Variants in INTS2 observed in about 807,000 individuals in gnomAD.
INTS2 encodes the protein KIAA1287.
A neutral mutation model predicts 139.6 loss-of-function variants in INTS2; 57 were observed. The ratio of observed to expected loss-of-function variants is 0.41; its 90% CI spans 0.33 to 0.51. INTS2 has a LOEUF of 0.51. Ranked by LOEUF, INTS2 falls within the 20% of genes least tolerant of loss-of-function variation. The pLI, the probability that INTS2 is intolerant of heterozygous loss-of-function variation, is 0.28. For synonymous variants in INTS2, 473 were observed against 493.4 expected, an observed-to-expected ratio of 0.96 and a Z score of 0.55; for missense variants, 1,196 against 1,436.7, an observed-to-expected ratio of 0.83 and a Z score of 2.71.
chr17:61,915,579 G>A (rs1340845818), intron 5 of INTS2, among the ~76,000 whole-genome samples: 5 of 149,736 alleles, frequency 3.3e-5, no homozygotes, highest in South Asian at 2.1e-4. Context: ...AGCACTTTGG[G>A]AGGCCGAGAA....
At position 61,869,396 on chromosome 17, in the gene INTS2, ACGGG is replaced by A. The variant is rs1260356573; in HGVS notation, c.3031-20_3031-17del. 1 of 1,496,156 alleles carries A rather than the reference ACGGG, an allele frequency of 6.7e-7. No individual in the cohort carries two copies. Among genetic ancestry groups the A allele is most frequent in the South Asian group, 1.2e-5 (1 of 82,232 alleles). The allele number at this position is 1,496,156 out of a possible 1,614,324, so 92.7% of individuals were successfully genotyped here. Reference sequence around the variant, plus strand: ...ATGGATAACCCTATCTCAACAAGAAACGGGAAAAAAGTCAGAAATAAAATAACTA... The same window carrying A: ...ATGGATAACCCTATCTCAACAAGAAAAAAAAAGTCAGAAATAAAATAACTA... On this transcript the variant is annotated splice_polypyrimidine_tract_variant and intron_variant, in intron 21 of 24. Transcript: ENST00000251334. This position sits in a 1 kb window ranked among gnomAD's most constrained non-coding sequence, Gnocchi z 5.4.
chr17:61,907,747 G>C (rs996124767), intron 7 of INTS2, 113 bp from the exon 8 acceptor site: 1 of 753,518 alleles, frequency 1.3e-6, no homozygotes, highest in Non-Finnish European at 2.1e-6. Flanking sequence ...TATTTGAAGA[G>C]ATTGTCGTGA....
Position 61,907,562 on chromosome 17 carries a change from G to C in INTS2, c.1027C>G (p.Leu343Val), listed in dbSNP as rs759831289. The C allele has an allele frequency of 1.9e-6, 3 of 1,593,970 alleles. No individual in the cohort carries two copies. In the South Asian group the frequency reaches 3.4e-5, roughly 18 times the overall value. ...RQLLLELMGI[L>V]PTVRSTRIVE... ...ATTCGGGTGCTTCTTACTGTGGGAA[G>C]AATGCCCATCAACTCCAGAAGAAGC... Residue 343 changes from leucine to valine, a missense_variant, in exon 8 of 25, where the codon CTT becomes GTT. Around this residue, in one of 3 missense-constraint regions of INTS2, gnomAD observed 1,129 missense variants for 1,341.9 expected, o/e 0.84. Coordinates refer to ENST00000251334, the MANE Select transcript of INTS2 (RefSeq NM_001351695.2).
In INTS2 at chr17:61,919,509, G is replaced by C. The variant is rs544093616; in HGVS notation, c.540C>G (p.Leu180=). The C allele has an allele frequency of 1.5e-5, 24 of 1,552,976 alleles. No individual in the cohort carries two copies. In the South Asian group the frequency reaches 2.6e-4, roughly 17 times the overall value. ...CATCAACTATAGGGAGCAAGGAAGG[G>C]AGCTCTACAAGAAAACAAAGTCAGT... ...ADVLCILQAE[L]PSLLPIVDVA... is the part of the protein sequence containing the mutation. Residue 180 remains leucine (L), a synonymous_variant, in exon 5 of 25, where the codon CTC becomes CTG. Transcript: ENST00000251334.
intron 14 of INTS2, 126 bp downstream of exon 14, chr17:61,891,387 A>AAATTT (rs2079291967): frequency 5.3e-6 from 4 of 747,796 alleles, no homozygotes; most frequent in Non-Finnish European, 8.8e-6. Context: ...TGATCTAAGG[A>AAATTT]AATTTAATCT....
chr17:61,892,919 A>G (rs1345551569), intron 13 of INTS2, among the ~76,000 whole-genome samples: 1 of 141,130 alleles, frequency 7.1e-6, no homozygotes, highest in African/African-American at 2.7e-5. Context: ...GCACCACTGC[A>G]CTCCAGCTTG....
chr17:61,911,833 G>A (rs2079529656), intron 6 of INTS2, 107 bp downstream of exon 6: 9 of 1,409,596 alleles, frequency 6.4e-6, no homozygotes, highest in Admixed American at 2.2e-5. Context: ...AACATATCCA[G>A]TATATAAATA....
chr17:61,884,851 A>C, intron 16 of INTS2, 50 bp downstream of exon 16: 1 of 1,113,338 alleles, frequency 9.0e-7, no homozygotes, highest in Non-Finnish European at 1.3e-6. Context: ...TATAAACAGA[A>C]AGGTTTTTTA....
intron 11 of INTS2, among the ~76,000 whole-genome samples, chr17:61,895,817 A>C (rs995432022): frequency 5.3e-5 from 8 of 152,202 alleles, no homozygotes; most frequent in African/African-American, 1.9e-4. Context: ...AGAAACTCCA[A>C]GTAGATTAAA....
intron 15 of INTS2, among the ~76,000 whole-genome samples, chr17:61,888,539 TTC>T (rs941356248): frequency 4.7e-5 from 7 of 148,626 alleles, no homozygotes; most frequent in Non-Finnish European, 7.4e-5. Flanking sequence ...TTCAGTGACA[TTC>T]TCTGTGTGCG....
chr17:61,880,952 T>C (rs2079172628), intron 17 of INTS2, 55 bp downstream of exon 17: 10 of 1,339,404 alleles, frequency 7.5e-6, no homozygotes, highest in Non-Finnish European at 1.1e-5. Flanking sequence ...TCAATTAGCC[T>C]AGCATCTCCT....
At chr17:61,905,219 G>A (rs2079448724) in intron 8 of INTS2, among the ~76,000 whole-genome samples, 1 of 152,024 alleles carries the variant, frequency 6.6e-6, no homozygotes, top group African/African-American at 2.4e-5. Flanking sequence ...GGGATTACAG[G>A]TGTAAGTCAC....
At chr17:61,918,631 A>G (rs4968460) in intron 5 of INTS2, among the ~76,000 whole-genome samples, 24,813 of 152,160 alleles carry the variant, frequency 0.16, 2,526 homozygotes, top group East Asian at 0.54. Flanking sequence ...CCAGGCTCCT[A>G]ATTCACAAAC....
At chr17:61,905,323 G>A (rs1289638233) in intron 8 of INTS2, among the ~76,000 whole-genome samples, 1 of 151,980 alleles carries the variant, frequency 6.6e-6, no homozygotes, top group Non-Finnish European at 1.5e-5. Flanking sequence ...GAATTAAACT[G>A]TTTTCTTTCT....
At chr17:61,924,474 A>G (rs2079686642) in intron 3 of INTS2, among the ~76,000 whole-genome samples, 1 of 152,236 alleles carries the variant, frequency 6.6e-6, no homozygotes, top group African/African-American at 2.4e-5. Flanking sequence ...ACTTTAAGGC[A>G]GACTTATAAT....
intron 8 of INTS2, among the ~76,000 whole-genome samples, chr17:61,905,567 C>G (rs2079453543): frequency 6.6e-6 from 1 of 152,226 alleles, no homozygotes; most frequent in Admixed American, 6.5e-5. Context: ...CCTCACTGAT[C>G]CACAAGCCTT....
chr17:61,905,143 G>A (rs957980066), intron 8 of INTS2, among the ~76,000 whole-genome samples: 2 of 151,414 alleles, frequency 1.3e-5, no homozygotes, highest in East Asian at 3.9e-4. Context: ...GTTTTGCCAC[G>A]TTCCCCAGGC....
rs934548142 is a variant in INTS2 at position 61,909,905 on chromosome 17, T to C, written c.954+1615A>G. On this transcript the variant is annotated intron_variant, in intron 7 of 24. Transcript: ENST00000251334. The surrounding 1 kb of genome is among the most constrained non-coding windows in gnomAD (Gnocchi z 4.9). ...TAAGCAACCATCCGTTGATAGATGC[T>C]TAGGTTGATTCCATAACATTGCTAC... 6.6e-6 allele frequency among the ~76,000 whole-genome samples: 1 copy of C among 151,866 alleles called. No homozygotes were observed. The highest frequency in any genetic ancestry group is 2.4e-5 in the African/African-American group (1 of 41,314).
At chr17:61,908,775 C>G (rs897757691) in intron 7 of INTS2, among the ~76,000 whole-genome samples, 1 of 151,830 alleles carries the variant, frequency 6.6e-6, no homozygotes, top group Non-Finnish European at 1.5e-5. Flanking sequence ...ATGAAGCATC[C>G]AATAAATAAA....
Sources: gnomAD v4.1 joint callset for allele counts (sites outside exome capture counted in the v4.1 genomes callset) on GRCh38, gnomAD v4.1.1 for gene constraint, gnomAD v4.1.1 regional missense constraint, Gnocchi (gnomAD v3.1) non-coding constraint, MANE v1.5 for transcripts, NCBI Gene and HGNC (gene_info 2026-07-23, HGNC 2026-07-21) for gene names.